SLC7A2: variants seen among roughly 807,000 people sequenced by gnomAD.
SLC7A2 encodes the protein solute carrier family 7 member 2, also known as cationic amino acid transporter 2.
A neutral mutation model predicts 58.9 loss-of-function variants in SLC7A2; 48 were observed. The ratio of observed to expected loss-of-function variants is 0.82; its 90% confidence interval spans 0.65 to 1.04. SLC7A2 has a LOEUF of 1.04. Ranked by LOEUF, SLC7A2 falls within the 50% of genes least tolerant of loss-of-function variation. The pLI is 0.00. For missense variants in SLC7A2, 1,029 were observed against 818.8 expected (o/e 1.26, Z -3.13); for synonymous variants, 363 against 314.5 (o/e 1.15, Z -1.63).
intron 9 of SLC7A2, among the ~76,000 whole-genome samples, chr8:17,558,762 A>G (rs1802826686): frequency 6.6e-6 from 1 of 152,172 alleles, no homozygotes; most frequent in African/African-American, 2.4e-5. Context: ...GGAAAAGGTA[A>G]TTTACAATAG....
At chr8:17,562,138 A>AAAT in intron 11 of SLC7A2, 28 bp downstream of exon 11, 1 of 1,545,078 alleles carries the variant, frequency 6.5e-7, no homozygotes, top group Non-Finnish European at 8.8e-7. Flanking sequence ...TAGAGACCCA[A>AAAT]AATACTGTAT....
At position 17,530,600 on chromosome 8, in the gene SLC7A2, T is replaced by C. The variant is rs138456288; in HGVS notation, c.-22-12718T>C. Among the ~76,000 whole-genome samples the C allele has an allele frequency of 3.1e-4, 46 of 147,382 alleles. No homozygotes were observed. In the Middle Eastern group the frequency reaches 0.018, roughly 58 times the overall value. Reference sequence around the variant, plus strand: ...TTTTTTTTTTTTTTTTGAGACAGGGTCTCTCTCTGACACCCAGCCTAGCAT... The same window carrying C: ...TTTTTTTTTTTTTTTTGAGACAGGGCCTCTCTCTGACACCCAGCCTAGCAT... On this transcript the variant is annotated intron_variant, in intron 2 of 12. Coordinates refer to ENST00000494857, the MANE Select transcript of SLC7A2 (RefSeq NM_001370338.1).
chr8:17,498,626 C>T (rs541076769), intron 1 of SLC7A2: 9 of 152,300 alleles, frequency 5.9e-5, no homozygotes, highest in African/African-American at 1.4e-4. Flanking sequence ...AGTTTCTTCC[C>T]TCGGCCCACA....
At chr8:17,501,218 T>C (rs1195625854) in intron 1 of SLC7A2, among the ~76,000 whole-genome samples, 1 of 152,094 alleles carries the variant, frequency 6.6e-6, no homozygotes, top group Non-Finnish European at 1.5e-5. Context: ...TTCACCATGT[T>C]GCCCAGGTTG....
chr8:17,509,134 G>A (rs1800493014), intron 2 of SLC7A2, among the ~76,000 whole-genome samples: 1 of 152,052 alleles, frequency 6.6e-6, no homozygotes, highest in Non-Finnish European at 1.5e-5. Context: ...TTTAAAGAAT[G>A]GGCCTTTCCT....
intron 2 of SLC7A2, among the ~76,000 whole-genome samples, chr8:17,520,007 G>A (rs1306339975): frequency 6.6e-6 from 1 of 152,178 alleles, no homozygotes; most frequent in Non-Finnish European, 1.5e-5. Context: ...AGAGTTTTCT[G>A]TGAGAAAGAA....
At chr8:17,547,972 C>G (rs1249155365) in intron 4 of SLC7A2, among the ~76,000 whole-genome samples, 1 of 152,112 alleles carries the variant, frequency 6.6e-6, no homozygotes, top group South Asian at 2.1e-4. Flanking sequence ...TTTTTTGGCA[C>G]AATTGAAGTA....
chr8:17,570,485 T>G lies in SLC7A2; in HGVS notation c.*5339T>G, dbSNP rs981853399. ...TTGGATTCTTTTTTAGAATTTGTAA[T>G]AAATAAAAACTGCTGCTTTACCACT... On this transcript the variant is annotated 3_prime_UTR_variant, in exon 13 of 13. Coordinates refer to ENST00000494857, the MANE Select transcript of SLC7A2 (RefSeq NM_001370338.1). 1.3e-5 allele frequency: 2 copies of G among 152,654 alleles called. No individual in the cohort carries two copies. The highest frequency in any genetic ancestry group is 2.9e-5 in the Non-Finnish European group (2 of 68,036). 9.5% of individuals were successfully genotyped at this position (152,654 alleles called of 1,614,324 possible).
intron 4 of SLC7A2, 136 bp downstream of exon 4, chr8:17,544,742 T>C: frequency 1.4e-6 from 1 of 710,680 alleles, no homozygotes; most frequent in Non-Finnish European, 2.3e-6. Context: ...CTGTTAGACA[T>C]CTGTGGGGTT....
chr8:17,498,507 C>T (rs1800035278), intron 1 of SLC7A2: 1 of 152,132 alleles, frequency 6.6e-6, no homozygotes, highest in Non-Finnish European at 1.5e-5. Flanking sequence ...TGCACTGAAG[C>T]GTGACATGAA....
intron 2 of SLC7A2, 119 bp from the exon 3 acceptor site, chr8:17,543,199 C>CACACACACACACACACAA (rs1801991807): frequency 1.1e-6 from 1 of 891,610 alleles, no homozygotes; most frequent in Non-Finnish European, 1.7e-6. Context: ...AACACACACA[C>CACACACACACACACACAA]ACACACACAC....
intron 2 of SLC7A2, among the ~76,000 whole-genome samples, chr8:17,507,155 C>T (rs1800401717): frequency 6.6e-6 from 1 of 151,912 alleles, no homozygotes; most frequent in Non-Finnish European, 1.5e-5. Flanking sequence ...CTATGTTGGC[C>T]AGGATGGTCT....
chr8:17,557,798 A>T (rs576618581), intron 8 of SLC7A2, among the ~76,000 whole-genome samples: 5 of 152,240 alleles, frequency 3.3e-5, no homozygotes, highest in Admixed American at 3.3e-4. Context: ...ACTGCACTCC[A>T]CCCTGGGTGA....
At position 17,561,098 on chromosome 8, in the gene SLC7A2, G is replaced by T. The variant is rs78727277; in HGVS notation, c.1504+565G>T. Reference sequence around the variant, plus strand: ...TCAGAGCAAATAGGAGTTGCCCCTAGAGCAGACTTGATGGTCAGAGATGGG... The same window carrying T: ...TCAGAGCAAATAGGAGTTGCCCCTATAGCAGACTTGATGGTCAGAGATGGG... On this transcript the variant is annotated intron_variant, in intron 10 of 12. Coordinates refer to ENST00000494857, the MANE Select transcript of SLC7A2 (RefSeq NM_001370338.1). Among the ~76,000 whole-genome samples the T allele has an allele frequency of 1.6e-3, 242 of 152,288 alleles. 2 individuals are homozygous for T. The highest frequency in any genetic ancestry group is 5.3e-3 in the African/African-American group (220 of 41,574).
intron 2 of SLC7A2, among the ~76,000 whole-genome samples, chr8:17,537,587 A>T (rs1801727088): frequency 6.6e-6 from 1 of 152,070 alleles, no homozygotes; most frequent in Admixed American, 6.5e-5. Context: ...TGCTGTGGGG[A>T]GGGCAGGAGG....
intron 2 of SLC7A2, among the ~76,000 whole-genome samples, chr8:17,536,128 T>G (rs12114527): frequency 0.015 from 2,314 of 151,258 alleles, 64 homozygotes; most frequent in African/African-American, 0.054. Flanking sequence ...AAAAAAAGTT[T>G]TAAATGTTTT....
At chr8:17,501,691 TC>T (rs1182962184) in intron 1 of SLC7A2, among the ~76,000 whole-genome samples, 2 of 151,964 alleles carry the variant, frequency 1.3e-5, no homozygotes, top group African/African-American at 4.8e-5. Flanking sequence ...TTTCACCGTA[TC>T]CCCATCCTCC....
chr8:17,561,214 C>G (rs1002769202), intron 10 of SLC7A2, among the ~76,000 whole-genome samples: 2 of 152,142 alleles, frequency 1.3e-5, no homozygotes, highest in Non-Finnish European at 1.5e-5. Context: ...TGTTCTCACA[C>G]TGCTAGTAAA....
intron 2 of SLC7A2, among the ~76,000 whole-genome samples, chr8:17,534,927 G>C (rs539235369): frequency 6.6e-6 from 1 of 152,102 alleles, no homozygotes; most frequent in African/African-American, 2.4e-5. Flanking sequence ...GCTAAGCTCT[G>C]TTGTCCACCT....
Sources: allele counts gnomAD v4.1 joint callset (sites outside exome capture counted in the v4.1 genomes callset), GRCh38; gene constraint gnomAD v4.1.1; transcripts MANE v1.5; gene names NCBI Gene and HGNC (gene_info 2026-07-23, HGNC 2026-07-21).